PIGN: variants seen among roughly 807,000 people sequenced by gnomAD.
The protein encoded by PIGN is phosphatidylinositol glycan anchor biosynthesis class N, also known as GPI ethanolamine phosphate transferase 1.
In PIGN, 117 loss-of-function variants were observed where a neutral mutation model predicts 125.4. The ratio of observed to expected loss-of-function variants is 0.93; its 90% CI spans 0.80 to 1.09. The LOEUF (loss-of-function observed/expected upper bound fraction) is 1.09, where lower values mean the gene tolerates loss of function less well. Ranked by LOEUF, PIGN falls within the 50% of genes least tolerant of loss-of-function variation. The probability of loss-of-function intolerance (pLI) is 0.00; values close to 1 mark genes in which losing one functional copy is unlikely to be tolerated. For missense variants in PIGN, 1,075 were observed against 1,094.9 expected (o/e 0.98, Z 0.26); for synonymous variants, 392 against 377.8 (o/e 1.04, Z -0.44).
chr18:62,118,843 C>A (rs2035185156), intron 14 of PIGN, among the ~76,000 whole-genome samples: 2 of 144,986 alleles, frequency 1.4e-5, no homozygotes, highest in South Asian at 2.2e-4. Context: ...TCAGAGAACT[C>A]AGGTAAAGAA....
At chr18:62,128,196 A>T (rs1467876127) in intron 14 of PIGN, among the ~76,000 whole-genome samples, 1 of 152,196 alleles carries the variant, frequency 6.6e-6, no homozygotes, top group East Asian at 1.9e-4. Flanking sequence ...TTACCAAAAA[A>T]ATATATAAAA....
chr18:62,155,272 T>A (rs2036683524), intron 6 of PIGN, among the ~76,000 whole-genome samples: 1 of 152,048 alleles, frequency 6.6e-6, no homozygotes, highest in Non-Finnish European at 1.5e-5. Flanking sequence ...TTGCAGGTAA[T>A]AAGAAAGAGA....
intron 14 of PIGN, among the ~76,000 whole-genome samples, chr18:62,132,872 CA>C (rs1289196072): frequency 6.8e-6 from 1 of 146,068 alleles, no homozygotes; most frequent in Non-Finnish European, 1.5e-5. Flanking sequence ...TCCAAATGGT[CA>C]ATTTTCTTAG....
intron 11 of PIGN, among the ~76,000 whole-genome samples, chr18:62,142,875 A>G (rs758402401): frequency 6.6e-6 from 1 of 152,094 alleles, no homozygotes; most frequent in Non-Finnish European, 1.5e-5. Flanking sequence ...TTTTTTCCCC[A>G]TTGCATTTGT....
intron 30 of PIGN, among the ~76,000 whole-genome samples, chr18:62,063,431 A>G (rs1024863116): frequency 8.7e-6 from 1 of 115,568 alleles, no homozygotes; most frequent in East Asian, 3.0e-4. Context: ...TATAGATTTT[A>G]GCCAAAATCT....
intron 23 of PIGN, among the ~76,000 whole-genome samples, chr18:62,029,788 T>C (rs575921768): frequency 1.3e-5 from 2 of 152,292 alleles, no homozygotes; most frequent in Admixed American, 1.3e-4. Context: ...AGGAGTGACA[T>C]GCATCTGCAG....
intron 28 of PIGN, among the ~76,000 whole-genome samples, chr18:62,080,503 T>G (rs1301742595): frequency 6.6e-6 from 1 of 152,182 alleles, no homozygotes; most frequent in Non-Finnish European, 1.5e-5. Flanking sequence ...CATAGAGACA[T>G]AGTCAGAAAT....
rs1448778693 is a variant in PIGN, at chr18:62,143,357, C to T, written c.923-11G>A. ...TCTCCAATCTCCACTCTGAAAGATACAATCAGACACAAGATCTGATGTTAA... is the reference window on the plus strand; with the variant it reads ...TCTCCAATCTCCACTCTGAAAGATATAATCAGACACAAGATCTGATGTTAA... On this transcript the variant is annotated splice_polypyrimidine_tract_variant and intron_variant, in intron 10 of 30. Coordinates refer to ENST00000640252, the MANE Select transcript of PIGN (RefSeq NM_176787.5). The T allele has an allele frequency of 2.0e-6, 3 of 1,477,876 alleles. No individual in the cohort carries two copies. Among genetic ancestry groups the T allele is most frequent in the Non-Finnish European group, 2.8e-6 (3 of 1,070,192 alleles). The allele number at this position is 1,477,876 out of a possible 1,614,324, so 91.5% of individuals were successfully genotyped here.
At chr18:62,114,286 TG>T (rs1486879595) in intron 15 of PIGN, among the ~76,000 whole-genome samples, 1 of 150,424 alleles carries the variant, frequency 6.6e-6, no homozygotes, top group Non-Finnish European at 1.5e-5. Flanking sequence ...TGCTTGAACC[TG>T]GGAGGCGGAG....
Position 62,145,004 on chromosome 18 carries a change from CTGGCG to C in PIGN, c.922+900_922+904del, listed in dbSNP as rs1400055924. ...CGGCAAGAACCTGTCTCTAAGGAAA[CTGGCG>C]GGGGGGGGGGGGCAGGGTGGAGAAA... On this transcript the variant is annotated intron_variant, in intron 10 of 30. Transcript: ENST00000640252. Among the ~76,000 whole-genome samples, 7 of 9,432 alleles carry C rather than the reference CTGGCG, an allele frequency of 7.4e-4. No individual in the cohort carries two copies. The Admixed American group carries it at 9.9e-3, about 13-fold the overall frequency. The allele number at this position is 9,432 out of a possible 152,430, so 6.2% of individuals were successfully genotyped here. A position where few individuals can be genotyped will look rare whatever the true frequency, so the allele number is the denominator to read the frequency against.
At chr18:62,146,775 A>G (rs1348817351) in intron 9 of PIGN, among the ~76,000 whole-genome samples, 196 bp downstream of exon 9, 3 of 152,154 alleles carry the variant, frequency 2.0e-5, no homozygotes, top group African/African-American at 7.2e-5. Flanking sequence ...ATGAGAATAT[A>G]TTCGTTTTTT....
downstream of PIGN, among the ~76,000 whole-genome samples, chr18:62,038,408 G>A (rs968066): frequency 1.3e-5 from 2 of 148,160 alleles, no homozygotes; most frequent in Non-Finnish European, 3.0e-5. Flanking sequence ...AACTTCACAT[G>A]TTAGAAACTT....
At chr18:62,120,444 T>C (rs376980961) in intron 14 of PIGN, among the ~76,000 whole-genome samples, 2 of 152,058 alleles carry the variant, frequency 1.3e-5, no homozygotes, top group East Asian at 1.9e-4. Context: ...TGTCATATCA[T>C]AGACAAGAAA....
At chr18:62,153,556 ATTAAG>A (rs1253461865) in intron 7 of PIGN, 4 of 152,218 alleles carry the variant, frequency 2.6e-5, no homozygotes, top group Non-Finnish European at 4.4e-5. Flanking sequence ...ATATTAGCAC[ATTAAG>A]TTAAGAAGTG....
chr18:62,021,177 G>T (rs1210254106), intron 23 of PIGN, among the ~76,000 whole-genome samples: 1 of 152,166 alleles, frequency 6.6e-6, no homozygotes, highest in Non-Finnish European at 1.5e-5. Context: ...GGAAATACAT[G>T]TTCATACAAA....
intron 23 of PIGN, among the ~76,000 whole-genome samples, chr18:62,028,025 A>G (rs755449668): frequency 3.3e-5 from 5 of 152,192 alleles, no homozygotes; most frequent in Admixed American, 3.3e-4. Context: ...GTGCATTCCA[A>G]TATCACCACT....
At chr18:62,174,982 TCA>T (rs773006551) in intron 1 of PIGN, among the ~76,000 whole-genome samples, 16 of 148,754 alleles carry the variant, frequency 1.1e-4, no homozygotes, top group Admixed American at 1.3e-4. Flanking sequence ...GATTACAGAC[TCA>T]CAGTGTTCAC....
Position 62,045,967 on chromosome 18 carries a change from A to G in PIGN, c.2685T>C (p.Tyr895=), listed in dbSNP as rs760573255. The change falls in exon 31 of 31, where the codon TAT becomes TAC. Residue 895 remains tyrosine, a synonymous_variant. Coordinates refer to ENST00000640252, the MANE Select transcript of PIGN (RefSeq NM_176787.5). The stretch of plus-strand genomic sequence containing the variant: ...AGATGGTCATGGACATGACAATCAC[A>G]TAGTGGCTGATGCTGCAAAAGGAGA... ...WLDIGTSISH[Y]VIVMSMTIFL... is the part of the protein sequence containing the mutation. 1 of 1,612,780 alleles carries G rather than the reference A, an allele frequency of 6.2e-7. No individual in the cohort carries two copies. The highest frequency in any genetic ancestry group is 2.2e-5 in the East Asian group (1 of 44,864).
Position 62,045,836 on chromosome 18 carries a change from T to C in PIGN, c.*20A>G, listed in dbSNP as rs200779753. 1 of 1,612,818 alleles carries C rather than the reference T, an allele frequency of 6.2e-7. No individual in the cohort carries two copies. The highest frequency in any genetic ancestry group is 8.5e-7 in the Non-Finnish European group (1 of 1,179,250). ...AAAAGGAGAATCAGGATCCAGATGC[T>C]GAATGGTGCTTCAGCAACCTCACAT... On this transcript the variant is annotated 3_prime_UTR_variant, in exon 31 of 31. Transcript: ENST00000640252.
Sources: gnomAD v4.1 joint callset for allele counts (sites outside exome capture counted in the v4.1 genomes callset) on GRCh38, gnomAD v4.1.1 for gene constraint, MANE v1.5 for transcripts, NCBI Gene and HGNC (gene_info 2026-07-23, HGNC 2026-07-21) for gene names.